UCKL1: variants seen among roughly 807,000 people sequenced by gnomAD.
UCKL1 encodes the protein uridine-cytidine kinase-like 1.
UCKL1 carries 65 observed loss-of-function variants against 59.2 expected under a neutral mutation model. That is an observed-to-expected ratio of 1.10 (90% CI 0.90 to 1.35). UCKL1 has a LOEUF of 1.35. UCKL1 is among the 40% of genes most tolerant of loss of function. The pLI, the probability that UCKL1 is intolerant of heterozygous loss-of-function variation, is 0.00. For synonymous variants in UCKL1, 410 were observed against 323.1 expected (o/e 1.27, Z -2.88); for missense variants, 703 against 784.3 (o/e 0.90, Z 1.24).
At chr20:63,947,086 A>G (rs1014525522) in intron 1 of UCKL1, among the ~76,000 whole-genome samples, 5 of 152,136 alleles carry the variant, frequency 3.3e-5, no homozygotes, top group African/African-American at 1.2e-4. Context: ...ACCTCAAAAA[A>G]AAAAAACCCT....
chr20:63,951,985 A>C (rs934787027), intron 1 of UCKL1, among the ~76,000 whole-genome samples: 8 of 152,206 alleles, frequency 5.3e-5, no homozygotes, highest in African/African-American at 1.9e-4. Flanking sequence ...GGGCTGCCAG[A>C]AGCTCAGGGA....
chr20:63,952,854 C>T (rs2057884083), intron 1 of UCKL1, among the ~76,000 whole-genome samples: 2 of 152,254 alleles, frequency 1.3e-5, no homozygotes, highest in South Asian at 4.1e-4. Context: ...GTTTCCTCCT[C>T]AAGGACTAAC....
intron 8 of UCKL1, among the ~76,000 whole-genome samples, chr20:63,942,957 T>C (rs2055045614): frequency 6.6e-6 from 1 of 152,136 alleles, no homozygotes; most frequent in Non-Finnish European, 1.5e-5. Context: ...GGCAAACTCT[T>C]TGGAGGGCTC....
intron 8 of UCKL1, 133 bp from the exon 9 acceptor site, chr20:63,941,341 G>A (rs1404931657): frequency 2.9e-6 from 4 of 1,357,624 alleles, no homozygotes; most frequent in South Asian, 1.4e-5. Context: ...GAGCGGGCCT[G>A]ACTTCTGCCT....
intron 1 of UCKL1, chr20:63,950,938 A>G (rs1179271167): frequency 4.3e-5 from 59 of 1,372,806 alleles, no homozygotes; most frequent in Admixed American, 1.4e-4. Flanking sequence ...GACCCACAGC[A>G]GTCCCCTAGG....
At chr20:63,946,346 C>T (rs1438953855) in intron 2 of UCKL1, 79 bp from the exon 3 acceptor site, 4 of 1,532,290 alleles carry the variant, frequency 2.6e-6, no homozygotes, top group East Asian at 2.5e-5. Flanking sequence ...GCCCATCCCG[C>T]TGCCGCTGCC....
chr20:63,951,276 C>T, intron 1 of UCKL1: 2 of 878,316 alleles, frequency 2.3e-6, no homozygotes, highest in Non-Finnish European at 2.7e-6. Flanking sequence ...TCGGTGTGAA[C>T]TGCCCCCTCC....
intron 8 of UCKL1, 36 bp from the exon 9 acceptor site, chr20:63,941,244 G>C: frequency 6.8e-7 from 1 of 1,465,244 alleles, no homozygotes; most frequent in Non-Finnish European, 9.0e-7. Context: ...TCAAGAAGGG[G>C]GTCTTTTCCC....
In UCKL1 at chr20:63,947,864, C is replaced by T. The variant is rs569821887; in HGVS notation, c.114-1221G>A. 2.3e-4 allele frequency among the ~76,000 whole-genome samples: 35 copies of T among 152,352 alleles called. No individual in the cohort carries two copies. In the South Asian group the frequency reaches 3.9e-3, roughly 17 times the overall value. On this transcript the variant is annotated intron_variant, in intron 1 of 14. Transcript: ENST00000354216. ...ATCTACATGCACTGCACGTGCTGGA[C>T]CGGCACTCAGGCGCCTGCCAACTTC...
intron 1 of UCKL1, chr20:63,953,485 G>A (rs1208176210): frequency 6.6e-6 from 1 of 152,190 alleles, no homozygotes; most frequent in East Asian, 1.9e-4. Flanking sequence ...CAGATCATCT[G>A]AGGTCAGGAG....
chr20:63,940,737 G>A, intron 11 of UCKL1, 21 bp from the exon 12 acceptor site: 1 of 1,607,142 alleles, frequency 6.2e-7, no homozygotes, highest in Non-Finnish European at 8.5e-7. Flanking sequence ...GGGAGGCTAA[G>A]CGCCCACATC....
chr20:63,947,621 G>A (rs2056603190), intron 1 of UCKL1, among the ~76,000 whole-genome samples: 1 of 152,248 alleles, frequency 6.6e-6, no homozygotes, highest in Non-Finnish European at 1.5e-5. Flanking sequence ...TGCCGGATGG[G>A]GGACCCTGCG....
chr20:63,948,918 G>A (rs1030982214), intron 1 of UCKL1, among the ~76,000 whole-genome samples: 1 of 151,974 alleles, frequency 6.6e-6, no homozygotes, highest in Non-Finnish European at 1.5e-5. Context: ...ACTCCTCCCC[G>A]TGCACCCGTG....
chr20:63,946,800 G>GACAC (rs2056363101), intron 1 of UCKL1, among the ~76,000 whole-genome samples, 157 bp from the exon 2 acceptor site: 1 of 152,144 alleles, frequency 6.6e-6, no homozygotes, highest in Non-Finnish European at 1.5e-5. Flanking sequence ...TGCCTGGGCT[G>GACAC]GGCGTGGTGG....
In UCKL1 at chr20:63,940,063, A is replaced by AAG. The variant is rs2053927551; in HGVS notation, c.1568-10_1568-9dup. 8.4e-7 allele frequency: 1 copy of AAG among 1,194,690 alleles called. No homozygotes were observed. Among genetic ancestry groups the AAG allele is most frequent in the Non-Finnish European group, 1.2e-6 (1 of 861,820 alleles). 74.0% of individuals were successfully genotyped at this position (1,194,690 alleles called of 1,614,324 possible). On this transcript the variant is annotated splice_polypyrimidine_tract_variant and intron_variant, in intron 14 of 14. Transcript: ENST00000354216. ...AGCGGTCGCCAAAGTTCCCTGGAAA[A>AAG]AGGGGGGGGGGGGTCCAGTGTGGTG...
At chr20:63,949,487 A>G (rs1601263449) in intron 1 of UCKL1, among the ~76,000 whole-genome samples, 1 of 152,120 alleles carries the variant, frequency 6.6e-6, no homozygotes, top group African/African-American at 2.4e-5. Flanking sequence ...CTGGACACAC[A>G]TGACCAACGC....
chr20:63,948,662 T>TGTGAGAGGGAGGGGC, intron 1 of UCKL1, among the ~76,000 whole-genome samples: 1 of 86,786 alleles, frequency 1.2e-5, no homozygotes, highest in Non-Finnish European at 2.4e-5. Context: ...GAGGGGCGTG[T>TGTGAGAGGGAGGGGC]GTGAGAGGGA....
chr20:63,944,728 C>T lies in UCKL1; in HGVS notation c.661G>A (p.Asp221Asn). ...FADKTLLELL[D>N]MKIFVDTDSD... is the part of the protein sequence containing the mutation. ...TCTGTGTCCACAAAGATCTTCATGT[C>T]CAGGAGCTGGTGGAGACAGCGGGCC... The change falls in exon 6 of 15, where the codon GAC becomes AAC. Residue 221 changes from aspartate to asparagine, a missense_variant. Transcript: ENST00000354216. The T allele has an allele frequency of 6.2e-7, 1 of 1,612,536 alleles. No homozygotes were observed. The highest frequency in any genetic ancestry group is 8.5e-7 in the Non-Finnish European group (1 of 1,179,930).
At chr20:63,943,249 T>A (rs2055149093) in intron 8 of UCKL1, among the ~76,000 whole-genome samples, 1 of 152,214 alleles carries the variant, frequency 6.6e-6, no homozygotes, top group African/African-American at 2.4e-5. Flanking sequence ...GAAAGCTGAC[T>A]GGTCCGTGAG....
Sources: gnomAD v4.1 joint callset for allele counts (sites outside exome capture counted in the v4.1 genomes callset) on GRCh38, gnomAD v4.1.1 for gene constraint, MANE v1.5 for transcripts, NCBI Gene and HGNC (gene_info 2026-07-23, HGNC 2026-07-21) for gene names.